The following IMPG2 variants were observed in gnomAD, a reference collection of about 807,000 sequenced individuals.
IMPG2 encodes the protein interphotoreceptor matrix proteoglycan 2, also known as IPM 200.
In IMPG2, 91 loss-of-function variants were observed where a neutral mutation model predicts 129.2. That is an observed-to-expected ratio of 0.70 (90% confidence interval 0.59 to 0.84). IMPG2 has a LOEUF of 0.84. Ranked by LOEUF, IMPG2 falls within the 40% of genes least tolerant of loss-of-function variation. IMPG2 has a pLI of 0.00. For synonymous variants in IMPG2, 510 were observed against 517.7 expected (o/e 0.99, Z 0.20); for missense variants, 1,430 against 1,461.7 (o/e 0.98, Z 0.35).
chr3:101,249,901 A>G (rs1293943440), intron 11 of IMPG2, among the ~76,000 whole-genome samples: 1 of 152,088 alleles, frequency 6.6e-6, no homozygotes, highest in African/African-American at 2.4e-5. Flanking sequence ...TGTCTCTACG[A>G]AAAACATAAA....
intron 2 of IMPG2, among the ~76,000 whole-genome samples, chr3:101,307,966 T>C (rs1336843616): frequency 1.3e-5 from 2 of 152,148 alleles, no homozygotes; most frequent in Non-Finnish European, 1.5e-5. Context: ...CTGTTGCAAA[T>C]GGGAGAAATT....
At chr3:101,241,436 T>A (rs1706405269) in intron 14 of IMPG2, among the ~76,000 whole-genome samples, 1 of 152,162 alleles carries the variant, frequency 6.6e-6, no homozygotes, top group Non-Finnish European at 1.5e-5. Context: ...CTAGAACATG[T>A]TGAGCAGAGG....
At chr3:101,291,120 T>C (rs1707005043) in intron 4 of IMPG2, among the ~76,000 whole-genome samples, 2 of 152,210 alleles carry the variant, frequency 1.3e-5, no homozygotes, top group African/African-American at 4.8e-5. Flanking sequence ...GCACCACCCA[T>C]CATTTAATAA....
rs149978787 is a variant in IMPG2 at position 101,239,868 on chromosome 3, A to G, written c.3022+2820T>C. Among the ~76,000 whole-genome samples, 356 of 152,308 alleles carry G rather than the reference A, an allele frequency of 2.3e-3. 1 individual carries two copies. Among genetic ancestry groups the G allele is most frequent in the African/African-American group, 8.0e-3 (334 of 41,572 alleles). ...CTCACTCATAAGTGGAAGTTGAACA[A>G]TGAGAACATATGGACACAGGGAGGG... On this transcript the variant is annotated intron_variant, in intron 14 of 18. Coordinates refer to ENST00000193391, the MANE Select transcript of IMPG2 (RefSeq NM_016247.4).
Position 101,244,271 on chromosome 3 carries a change from A to G in IMPG2, c.2060T>C (p.Val687Ala). Residue 687 changes from valine to alanine, a missense_variant, in exon 13 of 19, where the codon GTG becomes GCG. Transcript: ENST00000193391. ...PEEEPLSGPAVPIFADTAAES... is the reference protein window; with the variant it reads ...PEEEPLSGPAAPIFADTAAES... ...AGCTGCAGTATCTGCGAAGATGGGC[A>G]CAGCAGGCCCACTAAGAGGCTCTTC... The G allele has an allele frequency of 6.2e-7, 1 of 1,614,052 alleles. No homozygotes were observed. Among genetic ancestry groups the G allele is most frequent in the East Asian group, 2.2e-5 (1 of 44,838 alleles).
At position 101,319,771 on chromosome 3, in the gene IMPG2, C is replaced by T; in HGVS notation, c.147G>A (p.Leu49=). 1 of 1,613,446 alleles carries T rather than the reference C, an allele frequency of 6.2e-7. No homozygotes were observed. Among genetic ancestry groups the T allele is most frequent in the Non-Finnish European group, 8.5e-7 (1 of 1,179,746 alleles). The change falls in exon 2 of 19, where the codon CTG becomes CTA. Residue 49 remains leucine (L), a synonymous_variant. Transcript: ENST00000193391. ...QEPKSAVSFL[L]PEESTDLSLA... ...GAGAAAGGTCTGTTGATTCTTCAGG[C>T]AGGAGAAAAGAAACTGCACTCTTGG... is the stretch of plus-strand genomic sequence containing the variant.
intron 9 of IMPG2, among the ~76,000 whole-genome samples, chr3:101,261,514 T>C (rs1177047347): frequency 6.6e-6 from 1 of 152,172 alleles, no homozygotes; most frequent in Admixed American, 6.5e-5. Flanking sequence ...GGCAAAATAT[T>C]TGCCTCTCAA....
At chr3:101,307,521 G>C (rs1301179000) in intron 2 of IMPG2, among the ~76,000 whole-genome samples, 3 of 152,174 alleles carry the variant, frequency 2.0e-5, no homozygotes, top group Non-Finnish European at 2.9e-5. Context: ...GGCAACAGGA[G>C]AAAGAAATGT....
In IMPG2 at chr3:101,276,711, G is replaced by T; in HGVS notation, c.536C>A (p.Ser179Tyr). ...LTYAKETVSSSELSSPVPVGD... is the reference protein window; with the variant it reads ...LTYAKETVSSYELSSPVPVGD... ...AACAGGAACTGGAGAAGACAGTTCA[G>T]AGCTAGAAAAAAAAATGTTTGCAGT... Residue 179 changes from serine to tyrosine, a missense_variant and splice_region_variant, in exon 5 of 19, where the codon TCT (serine) becomes TAT (tyrosine). Coordinates refer to ENST00000193391, the MANE Select transcript of IMPG2 (RefSeq NM_016247.4). 6.2e-7 allele frequency: 1 copy of T among 1,607,070 alleles called. No individual in the cohort carries two copies. Among genetic ancestry groups the T allele is most frequent in the Non-Finnish European group, 8.5e-7 (1 of 1,174,130 alleles).
At chr3:101,275,225 G>T (rs1706828234) in intron 6 of IMPG2, among the ~76,000 whole-genome samples, 1 of 152,092 alleles carries the variant, frequency 6.6e-6, no homozygotes, top group African/African-American at 2.4e-5. Context: ...ATTTAGTGTT[G>T]TTTAGTGGAC....
intron 2 of IMPG2, among the ~76,000 whole-genome samples, chr3:101,315,847 A>G (rs1337411507): frequency 1.3e-5 from 2 of 152,088 alleles, no homozygotes; most frequent in Non-Finnish European, 2.9e-5. Flanking sequence ...TGAAAAAAAA[A>G]CAGAGGTTGG....
intron 7 of IMPG2, among the ~76,000 whole-genome samples, chr3:101,271,586 T>C (rs1171450520): frequency 3.9e-5 from 6 of 152,166 alleles, no homozygotes; most frequent in Admixed American, 3.9e-4. Context: ...TTGGCCAAGG[T>C]CACACATTTG....
intron 3 of IMPG2, among the ~76,000 whole-genome samples, chr3:101,300,541 C>A (rs1258594853): frequency 2.6e-5 from 4 of 152,236 alleles, no homozygotes; most frequent in Non-Finnish European, 5.9e-5. Flanking sequence ...CAAGTGAGAT[C>A]TTCTGATCTG....
intron 10 of IMPG2, 43 bp downstream of exon 10, chr3:101,257,486 A>G: frequency 6.2e-7 from 1 of 1,609,666 alleles, no homozygotes; most frequent in Non-Finnish European, 8.5e-7. Context: ...AGCATACTGG[A>G]AAAGAAACTA....
chr3:101,233,025 G>T, intron 14 of IMPG2, 34 bp from the exon 15 acceptor site: 1 of 1,598,838 alleles, frequency 6.3e-7, no homozygotes, highest in Non-Finnish European at 8.6e-7. Context: ...TGCAAGAAAA[G>T]GCAAAACACA....
intron 18 of IMPG2, among the ~76,000 whole-genome samples, chr3:101,227,222 A>T (rs1474734302): frequency 6.6e-6 from 1 of 152,202 alleles, no homozygotes; most frequent in Non-Finnish European, 1.5e-5. Context: ...TACCTGATAG[A>T]TGAAAACTCT....
intron 9 of IMPG2, among the ~76,000 whole-genome samples, chr3:101,258,594 C>T (rs1372282373): frequency 1.3e-5 from 2 of 152,082 alleles, no homozygotes; most frequent in Admixed American, 6.6e-5. Context: ...AGCTAACTCC[C>T]TCATTAATGA....
intron 14 of IMPG2, among the ~76,000 whole-genome samples, chr3:101,242,297 A>G (rs1412022703): frequency 6.6e-6 from 1 of 152,216 alleles, no homozygotes; most frequent in South Asian, 2.1e-4. Context: ...AAAAATGTGG[A>G]GAGTTATTGA....
intron 3 of IMPG2, among the ~76,000 whole-genome samples, chr3:101,297,597 T>TA (rs1273921159): frequency 6.6e-6 from 1 of 152,250 alleles, no homozygotes; most frequent in African/African-American, 2.4e-5. Flanking sequence ...TGGTATGTTG[T>TA]ATCTTTGTTC....
Sources: allele counts gnomAD v4.1 joint callset (sites outside exome capture counted in the v4.1 genomes callset), GRCh38; gene constraint gnomAD v4.1.1; transcripts MANE v1.5; gene names NCBI Gene and HGNC (gene_info 2026-07-23, HGNC 2026-07-21).